The following PDE3A variants were observed in gnomAD, a reference collection of about 807,000 sequenced individuals.
The protein encoded by PDE3A is cGMP-inhibited 3',5'-cyclic phosphodiesterase 3A.
A neutral mutation model predicts 98.3 loss-of-function variants in PDE3A; 43 were observed. That is an observed-to-expected ratio of 0.44 (90% CI 0.34 to 0.56). PDE3A has a LOEUF of 0.56. Among genes scored for constraint, PDE3A ranks in the 20% least tolerant of loss-of-function variants. PDE3A has a pLI of 0.01. For synonymous variants in PDE3A, 663 were observed against 567.9 expected (o/e 1.17, Z -2.38); for missense variants, 1,427 against 1,440.7 (o/e 0.99, Z 0.15).
intron 5 of PDE3A, among the ~76,000 whole-genome samples, chr12:20,627,738 G>A (rs1314642462): frequency 1.3e-5 from 2 of 151,946 alleles, no homozygotes; most frequent in East Asian, 1.9e-4. Flanking sequence ...TAAAAAAGTG[G>A]GAGCTCCATT....
chr12:20,419,121 C>T (rs1944470528), intron 1 of PDE3A, among the ~76,000 whole-genome samples: 1 of 152,010 alleles, frequency 6.6e-6, no homozygotes, highest in Non-Finnish European at 1.5e-5. Flanking sequence ...GGTTTTCAAC[C>T]TCATAATTAA....
At chr12:20,625,578 GAA>G (rs1488012875) in intron 5 of PDE3A, among the ~76,000 whole-genome samples, 1 of 151,840 alleles carries the variant, frequency 6.6e-6, no homozygotes, top group Non-Finnish European at 1.5e-5. Context: ...CCTGGGCATG[GAA>G]AAAAAGAGAT....
intron 1 of PDE3A, among the ~76,000 whole-genome samples, chr12:20,510,767 A>T (rs754235163): frequency 6.6e-6 from 1 of 152,060 alleles, no homozygotes; most frequent in Non-Finnish European, 1.5e-5. Flanking sequence ...AAGTTGAGGA[A>T]GATTCCATAA....
intron 1 of PDE3A, among the ~76,000 whole-genome samples, chr12:20,390,843 T>C (rs1293176812): frequency 6.6e-6 from 1 of 152,002 alleles, no homozygotes; most frequent in Non-Finnish European, 1.5e-5. Context: ...AGCCTATCAC[T>C]ACAAACACAG....
At position 20,626,929 on chromosome 12, in the gene PDE3A, A is replaced by T. The variant is rs1944275417; in HGVS notation, c.1541-2979A>T. Among the ~76,000 whole-genome samples, 6 of 152,096 alleles carry T rather than the reference A, an allele frequency of 3.9e-5. No individual in the cohort carries two copies. In the South Asian group the frequency reaches 1.2e-3, roughly 31 times the overall value. ...GTCTTAAAATCTGCTTGTTTGTTTA[A>T]ATTTAGTTAATCCGTGAGTTCCAAG... On this transcript the variant is annotated intron_variant, in intron 5 of 15. Coordinates refer to ENST00000359062, the MANE Select transcript of PDE3A (RefSeq NM_000921.5).
intron 15 of PDE3A, among the ~76,000 whole-genome samples, chr12:20,666,738 A>G (rs573723538): frequency 1.3e-5 from 2 of 152,300 alleles, no homozygotes; most frequent in Admixed American, 6.5e-5. Flanking sequence ...TGCAATAAAT[A>G]TGGGGGTGCA....
At chr12:20,576,994 C>A (rs114276141) in intron 2 of PDE3A, among the ~76,000 whole-genome samples, 1 of 151,646 alleles carries the variant, frequency 6.6e-6, no homozygotes, top group African/African-American at 2.4e-5. Flanking sequence ...GGAGTTAGCA[C>A]CCTCCAATAC....
At chr12:20,400,525 G>T (rs1400724678) in intron 1 of PDE3A, among the ~76,000 whole-genome samples, 1 of 150,962 alleles carries the variant, frequency 6.6e-6, no homozygotes, top group South Asian at 2.1e-4. Flanking sequence ...TCCTGCCTCA[G>T]CCTCCCAGGT....
chr12:20,370,301 G>A (rs1344190443), intron 1 of PDE3A, 57 bp downstream of exon 1: 4 of 1,450,828 alleles, frequency 2.8e-6, no homozygotes, highest in African/African-American at 1.4e-5. Flanking sequence ...TTGGCAACCG[G>A]CGCAGAGTGG....
chr12:20,430,693 T>C (rs1944680375), intron 1 of PDE3A, among the ~76,000 whole-genome samples: 1 of 152,152 alleles, frequency 6.6e-6, no homozygotes, highest in Non-Finnish European at 1.5e-5. Flanking sequence ...AATACTGTAT[T>C]TTGCCATGAT....
intron 1 of PDE3A, among the ~76,000 whole-genome samples, chr12:20,490,245 T>A (rs962690334): frequency 6.6e-6 from 1 of 152,152 alleles, no homozygotes; most frequent in Non-Finnish European, 1.5e-5. Flanking sequence ...CAGGAAAACA[T>A]ATCTGTTATT....
chr12:20,413,329 A>G (rs1437357312), intron 1 of PDE3A, among the ~76,000 whole-genome samples: 2 of 151,880 alleles, frequency 1.3e-5, no homozygotes, highest in African/African-American at 2.4e-5. Context: ...GCAACCCACC[A>G]TTTTTTTTGT....
In PDE3A at chr12:20,446,065, A is replaced by G. The variant is rs1944948153; in HGVS notation, c.960+75821A>G. 2.0e-5 allele frequency among the ~76,000 whole-genome samples: 3 copies of G among 152,124 alleles called. No individual in the cohort carries two copies. In the South Asian group the frequency reaches 6.2e-4, roughly 32 times the overall value. On this transcript the variant is annotated intron_variant, in intron 1 of 15. Transcript: ENST00000359062. ...ATAGCCATTCTTACCAAATAACTTA[A>G]AAATAGCATAGTCTGAGCATTTTTC...
intron 1 of PDE3A, among the ~76,000 whole-genome samples, chr12:20,483,037 C>T (rs1353418167): frequency 6.6e-6 from 1 of 152,006 alleles, no homozygotes; most frequent in Non-Finnish European, 1.5e-5. Context: ...CCTAGACATC[C>T]TTTTTTCAGA....
At chr12:20,486,849 G>A (rs111733695) in intron 1 of PDE3A, among the ~76,000 whole-genome samples, 5,984 of 152,256 alleles carry the variant, frequency 0.039, 164 homozygotes, top group South Asian at 0.06. Context: ...GGCCAGGCTG[G>A]TCTCCAGCTT....
intron 2 of PDE3A, among the ~76,000 whole-genome samples, chr12:20,577,898 A>G (rs1254328074): frequency 6.6e-6 from 1 of 152,190 alleles, no homozygotes; most frequent in Non-Finnish European, 1.5e-5. Flanking sequence ...TTGAAGTAGT[A>G]GTTTTCAAAA....
At chr12:20,641,449 G>A (rs1296489215) in intron 10 of PDE3A, among the ~76,000 whole-genome samples, 2 of 152,100 alleles carry the variant, frequency 1.3e-5, no homozygotes, top group African/African-American at 4.8e-5. Flanking sequence ...ACGATTTCTC[G>A]AAGGTCAAGG....
intron 2 of PDE3A, among the ~76,000 whole-genome samples, chr12:20,593,715 G>T (rs1384297635): frequency 6.6e-6 from 1 of 152,168 alleles, no homozygotes; most frequent in Non-Finnish European, 1.5e-5. Context: ...ATGAGGAAAA[G>T]ATTTCCAAAG....
intron 10 of PDE3A, among the ~76,000 whole-genome samples, chr12:20,641,481 T>C (rs1166996082): frequency 1.3e-5 from 2 of 152,160 alleles, no homozygotes; most frequent in Non-Finnish European, 2.9e-5. Context: ...TAAACTTTTA[T>C]AGAAAGGAAG....
Sources: gnomAD v4.1 joint callset for allele counts (sites outside exome capture counted in the v4.1 genomes callset) on GRCh38, gnomAD v4.1.1 for gene constraint, MANE v1.5 for transcripts, NCBI Gene and HGNC (gene_info 2026-07-23, HGNC 2026-07-21) for gene names.